The following CACNA1I variants were observed in gnomAD, a reference collection of about 807,000 sequenced individuals.
CACNA1I encodes the protein voltage-dependent T-type calcium channel subunit alpha-1I.
CACNA1I carries 74 observed loss-of-function variants against 201.6 expected under a neutral mutation model. The observed-to-expected ratio is 0.37, with a 90% CI of 0.30 to 0.45. The LOEUF (loss-of-function observed/expected upper bound fraction) is 0.45. CACNA1I is among the 20% of genes least tolerant of loss of function. The probability of loss-of-function intolerance (pLI) is 1.00; values close to 1 mark genes in which losing one functional copy is unlikely to be tolerated. For missense variants in CACNA1I, 2,346 were observed against 3,138.1 expected, an observed-to-expected ratio of 0.75 and a Z score of 6.03; for synonymous variants, 1,431 against 1,345.2, an observed-to-expected ratio of 1.06 and a Z score of -1.40.
intron 15 of CACNA1I, 112 bp downstream of exon 15, chr22:39,660,549 A>C (rs2146447539): frequency 1.6e-6 from 1 of 640,682 alleles, no homozygotes; most frequent in East Asian, 2.9e-5. Flanking sequence ...AGGGACTGCT[A>C]CTTATCTATG....
intron 3 of CACNA1I, among the ~76,000 whole-genome samples, chr22:39,608,176 C>T (rs896098712): frequency 2.7e-5 from 4 of 150,928 alleles, no homozygotes; most frequent in Admixed American, 6.6e-5. Context: ...GGCGCAGTGG[C>T]GCACACCTGT....
At position 39,649,780 on chromosome 22, in the gene CACNA1I, A is replaced by C; in HGVS notation, c.1847A>C (p.Asp616Ala). 1 of 1,608,810 alleles carries C rather than the reference A, an allele frequency of 6.2e-7. No individual in the cohort carries two copies. The highest frequency in any genetic ancestry group is 8.5e-7 in the Non-Finnish European group (1 of 1,177,550). Residue 616 changes from aspartate to alanine, a missense_variant, in exon 10 of 37, where the codon GAT (aspartate) becomes GCT (alanine). Physicochemically the swap from Asp to Ala is moderately radical, Grantham distance 126. Coordinates refer to ENST00000402142, the MANE Select transcript of CACNA1I (RefSeq NM_021096.4). The surrounding 1 kb of genome is among the most constrained non-coding windows in gnomAD (Gnocchi z 7.3). Reference protein sequence around the residue: ...GKEEEEEEQADGAVWLCGDVW... With the variant: ...GKEEEEEEQAAGAVWLCGDVW... The stretch of plus-strand genomic sequence containing the variant: ...GAGGAGGAGGAGGAGGAGCAGGCGG[A>C]TGGGGCGGTCTGGCTGTGCGGGGAT...
intron 4 of CACNA1I, among the ~76,000 whole-genome samples, chr22:39,620,912 C>T (rs1391082335): frequency 6.6e-6 from 1 of 152,122 alleles, no homozygotes; most frequent in Non-Finnish European, 1.5e-5. Flanking sequence ...CATGTGCCAC[C>T]ATGCCTGGCT....
intron 5 of CACNA1I, among the ~76,000 whole-genome samples, chr22:39,639,347 A>C (rs182367946): frequency 9.4e-4 from 143 of 152,322 alleles, no homozygotes; most frequent in Non-Finnish European, 1.4e-3. Flanking sequence ...ATTAGTATGT[A>C]GTCAATCTGG....
At chr22:39,672,844 A>G (rs985941367) in intron 27 of CACNA1I, 105 bp from the exon 28 acceptor site, 3 of 1,293,406 alleles carry the variant, frequency 2.3e-6, no homozygotes, top group East Asian at 5.1e-5. Flanking sequence ...CTAATGGGCC[A>G]CAATAGAAGG....
chr22:39,591,176 T>C (rs1932816971), intron 1 of CACNA1I, among the ~76,000 whole-genome samples: 1 of 134,792 alleles, frequency 7.4e-6, no homozygotes, highest in South Asian at 2.4e-4. Context: ...TTTTTTTTTC[T>C]GAGACGGAGT....
intron 23 of CACNA1I, 104 bp from the exon 24 acceptor site, chr22:39,668,188 C>T: frequency 1.4e-6 from 1 of 700,302 alleles, no homozygotes; most frequent in East Asian, 2.7e-5. Context: ...CTCTTTGTCC[C>T]TCTGCCTCCC....
At position 39,600,603 on chromosome 22, in the gene CACNA1I, C is replaced by G; in HGVS notation, c.432C>G (p.Cys144Trp). Residue 144 changes from cysteine to tryptophan, a missense_variant, in exon 3 of 37, where the codon TGC (cysteine) becomes TGG (tryptophan). This residue lies in a region of CACNA1I where 227 missense variants were observed against 412.5 expected (regional missense o/e 0.55). Transcript: ENST00000402142. ...CCCTGGGGATTTTTGGCAAGAAGTG[C>G]TACCTCGGGGACACATGGAACCGCC... ...MVALGIFGKKCYLGDTWNRLD... is the reference protein window; with the variant it reads ...MVALGIFGKKWYLGDTWNRLD... The G allele has an allele frequency of 6.2e-7, 1 of 1,610,882 alleles. No individual in the cohort carries two copies. The highest frequency in any genetic ancestry group is 8.5e-7 in the Non-Finnish European group (1 of 1,178,616).
chr22:39,603,799 G>A (rs554371132), intron 3 of CACNA1I, among the ~76,000 whole-genome samples: 8 of 152,286 alleles, frequency 5.3e-5, no homozygotes, highest in Admixed American at 1.3e-4. Context: ...AACAGACATC[G>A]GAGAAAGAAT....
intron 16 of CACNA1I, 75 bp from the exon 17 acceptor site, chr22:39,661,890 G>A (rs905978814): frequency 9.3e-5 from 91 of 982,640 alleles, no homozygotes; most frequent in Non-Finnish European, 1.2e-4. Flanking sequence ...GGGGGTGCAG[G>A]CTGCCTTTGG....
At position 39,573,987 on chromosome 22, in the gene CACNA1I, AG is replaced by A. The variant is rs1932265557; in HGVS notation, c.236+3002del. Among the ~76,000 whole-genome samples the A allele has an allele frequency of 2.0e-5, 3 of 152,132 alleles. No homozygotes were observed. The South Asian group carries it at 6.2e-4, about 32-fold the overall frequency. Reference sequence around the variant, plus strand: ...GGGTTCCCCCGGCATCCCCATGGCCAGGGCTGCTGAGGCTGGACTGGGATAG... The same window carrying A: ...GGGTTCCCCCGGCATCCCCATGGCCAGGCTGCTGAGGCTGGACTGGGATAG... On this transcript the variant is annotated intron_variant, in intron 1 of 36. Transcript: ENST00000402142.
chr22:39,683,813 G>A (rs1013712470), intron 35 of CACNA1I, among the ~76,000 whole-genome samples: 1 of 151,510 alleles, frequency 6.6e-6, no homozygotes, highest in Non-Finnish European at 1.5e-5. Flanking sequence ...CCAGTGTAGC[G>A]CCTGACCCGG....
chr22:39,589,446 G>A (rs1932797040), intron 1 of CACNA1I, among the ~76,000 whole-genome samples: 1 of 152,246 alleles, frequency 6.6e-6, no homozygotes, highest in Admixed American at 6.5e-5. Flanking sequence ...ACGAATGAAT[G>A]TGTGAATGAG....
In CACNA1I at chr22:39,661,321, G is replaced by T; in HGVS notation, c.2901+11G>T. On this transcript the variant is annotated intron_variant, in intron 16 of 36. Transcript: ENST00000402142. Reference sequence around the variant, plus strand: ...GACCAGCGCTCCCTGGTGAGTCCTTGTGGGGAGCTCTGGACGGGCGCTTCC... The same window carrying T: ...GACCAGCGCTCCCTGGTGAGTCCTTTTGGGGAGCTCTGGACGGGCGCTTCC... The T allele has an allele frequency of 1.3e-6, 2 of 1,544,014 alleles. No individual in the cohort carries two copies. The highest frequency in any genetic ancestry group is 1.4e-5 in the African/African-American group (1 of 72,984).
intron 10 of CACNA1I, among the ~76,000 whole-genome samples, chr22:39,655,664 A>ATCTG (rs944733307): frequency 6.6e-6 from 1 of 150,658 alleles, no homozygotes; most frequent in Non-Finnish European, 1.5e-5. Context: ...CCTTGTCTCT[A>ATCTG]TCTGTCTGTC....
chr22:39,609,626 C>T (rs560497883), intron 3 of CACNA1I, among the ~76,000 whole-genome samples: 1 of 152,312 alleles, frequency 6.6e-6, no homozygotes, highest in East Asian at 1.9e-4. Flanking sequence ...GGGATCCTTC[C>T]CTTCCCTAGT....
intron 1 of CACNA1I, among the ~76,000 whole-genome samples, chr22:39,571,310 C>G (rs1362370325): frequency 6.6e-6 from 1 of 152,186 alleles, no homozygotes; most frequent in African/African-American, 2.4e-5. Flanking sequence ...CAGTCAGACT[C>G]TGGAGCCACC....
intron 27 of CACNA1I, 74 bp downstream of exon 27, chr22:39,672,382 A>T (rs1569095148): frequency 2.9e-6 from 3 of 1,027,616 alleles, no homozygotes; most frequent in Non-Finnish European, 1.5e-6. Context: ...ACCCTTAGGG[A>T]AGTCTGGAGC....
chr22:39,665,911 G>A lies in CACNA1I; in HGVS notation c.4009G>A (p.Gly1337Ser). The A allele has an allele frequency of 6.2e-7, 1 of 1,613,776 alleles. No individual in the cohort carries two copies. The highest frequency in any genetic ancestry group is 8.5e-7 in the Non-Finnish European group (1 of 1,179,856). The change falls in exon 23 of 37, where the codon GGC becomes AGC. Residue 1337 changes from glycine (G) to serine (S), a missense_variant. Coordinates refer to ENST00000402142, the MANE Select transcript of CACNA1I (RefSeq NM_021096.4). The surrounding 1 kb of genome is among the most constrained non-coding windows in gnomAD (Gnocchi z 5.5). ...LFKGKFYHCLGVDTRNITNRS... is the reference protein window; with the variant it reads ...LFKGKFYHCLSVDTRNITNRS... Reference sequence around the variant, plus strand: ...CAAGGGCAAGTTCTACCACTGTCTGGGCGTGGACACCCGCAACATCACCAA... The same window carrying A: ...CAAGGGCAAGTTCTACCACTGTCTGAGCGTGGACACCCGCAACATCACCAA...
Sources: gnomAD v4.1 joint callset for allele counts (sites outside exome capture counted in the v4.1 genomes callset) on GRCh38, gnomAD v4.1.1 for gene constraint, gnomAD v4.1.1 regional missense constraint, Gnocchi (gnomAD v3.1) non-coding constraint, MANE v1.5 for transcripts, NCBI Gene and HGNC (gene_info 2026-07-23, HGNC 2026-07-21) for gene names.